The following LRP2 variants were observed in gnomAD, a reference collection of about 807,000 sequenced individuals.
LRP2 encodes the protein low-density lipoprotein receptor-related protein 2.
In LRP2, 172 loss-of-function variants were observed where a neutral mutation model predicts 531.0. That is an observed-to-expected ratio of 0.32 (90% CI 0.29 to 0.37). The LOEUF is 0.37. Ranked by LOEUF, LRP2 falls within the 10% of genes least tolerant of loss-of-function variation. The pLI is 1.00. For synonymous variants in LRP2, 1,992 were observed against 2,027.6 expected, an observed-to-expected ratio of 0.98 and a Z score of 0.47; for missense variants, 5,167 against 5,868.3, an observed-to-expected ratio of 0.88 and a Z score of 3.90.
intron 12 of LRP2, 51 bp from the exon 13 acceptor site, chr2:169,278,002 C>T (rs762491316): frequency 2.0e-6 from 3 of 1,510,132 alleles, no homozygotes; most frequent in African/African-American, 1.4e-5. Flanking sequence ...ACAAGTTAAC[C>T]TGGGAATTTT....
chr2:169,129,233 T>C (rs1685199567), intron 77 of LRP2, 149 bp from the exon 78 acceptor site: 7 of 682,372 alleles, frequency 1.0e-5, no homozygotes, highest in South Asian at 5.0e-5. Flanking sequence ...ATATGGTAAA[T>C]TGTTCAATTC....
At chr2:169,238,040 A>G in intron 27 of LRP2, 51 bp downstream of exon 27, 1 of 1,508,608 alleles carries the variant, frequency 6.6e-7, no homozygotes, top group Non-Finnish European at 9.2e-7. Context: ...CAGCAAACAG[A>G]CCCAAGACAG....
At chr2:169,214,027 A>G (rs1688688988) in intron 35 of LRP2, among the ~76,000 whole-genome samples, 157 bp from the exon 36 acceptor site, 1 of 152,090 alleles carries the variant, frequency 6.6e-6, no homozygotes, top group African/African-American at 2.4e-5. Context: ...GATCATCACA[A>G]CGACACCAAG....
chr2:169,284,256 C>CACT, intron 9 of LRP2, among the ~76,000 whole-genome samples: 1 of 96,648 alleles, frequency 1.0e-5, no homozygotes, highest in East Asian at 2.7e-4. Context: ...TCTTTTTTTT[C>CACT]TTTTTTTTTT....
At chr2:169,307,228 C>T (rs1684443448) in intron 4 of LRP2, 53 bp downstream of exon 4, 4 of 1,198,914 alleles carry the variant, frequency 3.3e-6, no homozygotes, top group Non-Finnish European at 5.0e-6. Context: ...GATTAAAATG[C>T]CAAAGGGACA....
At chr2:169,302,412 C>T (rs927155004) in intron 4 of LRP2, among the ~76,000 whole-genome samples, 1 of 152,096 alleles carries the variant, frequency 6.6e-6, no homozygotes, top group Non-Finnish European at 1.5e-5. Context: ...ATCCTTGCAC[C>T]TGTTCAGTCC....
At chr2:169,175,019 T>TAA (rs201393942) in intron 55 of LRP2, among the ~76,000 whole-genome samples, 174 bp downstream of exon 55, 29 of 108,688 alleles carry the variant, frequency 2.7e-4, no homozygotes, top group Non-Finnish European at 3.6e-4. Context: ...TTAAGATTTC[T>TAA]AAAAAAAAAA....
chr2:169,288,594 G>A (rs1405454547), intron 9 of LRP2, among the ~76,000 whole-genome samples: 1 of 152,148 alleles, frequency 6.6e-6, no homozygotes, highest in Non-Finnish European at 1.5e-5. Context: ...GGATCCTGGG[G>A]ATGCTTGTGC....
rs757999644 is a variant in LRP2 at position 169,233,461 on chromosome 2, A to G, written c.5048T>C (p.Ile1683Thr). Residue 1683 changes from isoleucine (I) to threonine (T), a missense_variant, in exon 30 of 79, where the codon ATT becomes ACT. Ile to Thr is a moderately conservative substitution (Grantham distance 89). Around this residue, in one of 6 missense-constraint regions of LRP2, gnomAD observed 2,811 missense variants for 3,058.0 expected, o/e 0.92. Coordinates refer to ENST00000649046, the MANE Select transcript of LRP2 (RefSeq NM_004525.3). ...CGCAACAATCCCAAGGGGCCATTGA[A>G]TATTATACATTACAACTGACTGGTT... The part of the protein sequence containing the change: ...GGNQSVVMYN[I>T]QWPLGIVAVH... 4.7e-5 allele frequency: 76 copies of G among 1,614,082 alleles called. No homozygotes were observed. The highest frequency in any genetic ancestry group is 6.2e-5 in the Non-Finnish European group (73 of 1,180,058).
intron 1 of LRP2, among the ~76,000 whole-genome samples, chr2:169,340,638 G>A (rs1043945017): frequency 1.3e-5 from 2 of 152,154 alleles, no homozygotes; most frequent in Non-Finnish European, 2.9e-5. Flanking sequence ...TTTGGACAAT[G>A]AGGTGACTTC....
Position 169,174,097 on chromosome 2 carries a change from C to A in LRP2, c.10836G>T (p.Gln3612His), listed in dbSNP as rs758472826. The change falls in exon 56 of 79, where the codon CAG becomes CAT. Residue 3612 changes from glutamine to histidine, a missense_variant. Gln to His is a conservative substitution (Grantham distance 24). Around this residue, in one of 6 missense-constraint regions of LRP2, gnomAD observed 311 missense variants for 309.4 expected, o/e 1.01. Transcript: ENST00000649046. ...CCTCACAGTCGTTAAATGTGTCACACTGCCAGGATTCTGGGATGCAACGTT... is the reference window on the plus strand; with the variant it reads ...CCTCACAGTCGTTAAATGTGTCACAATGCCAGGATTCTGGGATGCAACGTT... ...ANKRCIPESW[Q>H]CDTFNDCEDN... is the part of the protein sequence containing the mutation. 22 of 1,614,104 alleles carry A rather than the reference C, an allele frequency of 1.4e-5. No individual in the cohort carries two copies. In the East Asian group the frequency reaches 4.0e-4, roughly 29 times the overall value.
chr2:169,259,008 A>G lies in LRP2; in HGVS notation c.2513+17T>C, dbSNP rs745759170. The G allele has an allele frequency of 1.2e-6, 2 of 1,612,370 alleles. No homozygotes were observed. Among genetic ancestry groups the G allele is most frequent in the South Asian group, 1.1e-5 (1 of 91,046 alleles). ...ACATACAGTTTCAAGCTCTTAGGAAAACATGAACACACTTACCCGGCAAAA... is the reference window on the plus strand; with the variant it reads ...ACATACAGTTTCAAGCTCTTAGGAAGACATGAACACACTTACCCGGCAAAA... On this transcript the variant is annotated intron_variant, in intron 17 of 78. Coordinates refer to ENST00000649046, the MANE Select transcript of LRP2 (RefSeq NM_004525.3).
At chr2:169,183,218 G>A (rs577288410) in intron 50 of LRP2, among the ~76,000 whole-genome samples, 28 of 152,314 alleles carry the variant, frequency 1.8e-4, no homozygotes, top group Non-Finnish European at 3.1e-4. Flanking sequence ...CAACAAGTAC[G>A]CGCTTAACCA....
At chr2:169,229,264 A>G (rs74791051) in intron 31 of LRP2, among the ~76,000 whole-genome samples, 3,695 of 152,136 alleles carry the variant, frequency 0.024, 58 homozygotes, top group Non-Finnish European at 0.037. Context: ...CTTCATTTCT[A>G]TTTTCCATGT....
At chr2:169,351,800 G>A (rs1685856842) in intron 1 of LRP2, among the ~76,000 whole-genome samples, 1 of 152,188 alleles carries the variant, frequency 6.6e-6, no homozygotes, top group African/African-American at 2.4e-5. Flanking sequence ...TGCAGATGTG[G>A]AGAACTGGAT....
chr2:169,231,944 G>A (rs1048558925), intron 30 of LRP2, 102 bp from the exon 31 acceptor site: 9 of 1,414,296 alleles, frequency 6.4e-6, no homozygotes, highest in Non-Finnish European at 8.8e-6. Flanking sequence ...CCCAGTACAG[G>A]GGGGCTTAAG....
intron 71 of LRP2, among the ~76,000 whole-genome samples, 179 bp from the exon 72 acceptor site, chr2:169,140,724 T>C (rs1023304657): frequency 2.0e-5 from 3 of 152,142 alleles, no homozygotes; most frequent in East Asian, 1.9e-4. Flanking sequence ...GAGAGTAACA[T>C]ACATTTAGTG....
chr2:169,233,089 G>A (rs1484659936), intron 30 of LRP2, among the ~76,000 whole-genome samples: 2 of 152,166 alleles, frequency 1.3e-5, no homozygotes, highest in Admixed American at 6.5e-5. Context: ...GCGGTAAGAG[G>A]ATCGAAGGCA....
chr2:169,271,270 G>A (rs957438690), intron 15 of LRP2, among the ~76,000 whole-genome samples, 163 bp from the exon 16 acceptor site: 6 of 151,652 alleles, frequency 4.0e-5, no homozygotes, highest in African/African-American at 1.2e-4. Flanking sequence ...AAATAATACA[G>A]GGAAGAAAAA....
Sources: gnomAD v4.1 joint callset for allele counts (sites outside exome capture counted in the v4.1 genomes callset) on GRCh38, gnomAD v4.1.1 for gene constraint, gnomAD v4.1.1 regional missense constraint, MANE v1.5 for transcripts, NCBI Gene and HGNC (gene_info 2026-07-23, HGNC 2026-07-21) for gene names.